EFNA5: variants seen among roughly 807,000 people sequenced by gnomAD.
EFNA5 encodes the protein ephrin A5.
In EFNA5, 5 loss-of-function variants were observed where a neutral mutation model predicts 22.9. The observed-to-expected ratio is 0.22, with a 90% confidence interval of 0.11 to 0.46. The LOEUF is 0.46. Among genes scored for constraint, EFNA5 ranks in the 20% least tolerant of loss-of-function variants. The pLI is 0.99. For synonymous variants in EFNA5, 113 were observed against 112.2 expected, an observed-to-expected ratio of 1.01 and a Z score of -0.04; for missense variants, 237 against 293.3, an observed-to-expected ratio of 0.81 and a Z score of 1.40.
At chr5:107,668,569 T>C (rs550284409) in intron 1 of EFNA5, among the ~76,000 whole-genome samples, 2 of 152,206 alleles carry the variant, frequency 1.3e-5, no homozygotes, top group East Asian at 3.9e-4. Context: ...AATAAATGAA[T>C]GCCATGAGAA....
At chr5:107,621,418 T>C (rs1228098184) in intron 1 of EFNA5, among the ~76,000 whole-genome samples, 1 of 152,126 alleles carries the variant, frequency 6.6e-6, no homozygotes, top group African/African-American at 2.4e-5. Flanking sequence ...AAAAGAAAAA[T>C]AAATGCTGAG....
At chr5:107,589,210 G>C (rs1749264349) in intron 1 of EFNA5, among the ~76,000 whole-genome samples, 1 of 152,178 alleles carries the variant, frequency 6.6e-6, no homozygotes, top group Admixed American at 6.5e-5. Context: ...AGGGAAAGCA[G>C]GATGACTGAA....
chr5:107,644,629 T>C (rs924950302), intron 1 of EFNA5, among the ~76,000 whole-genome samples: 4 of 152,218 alleles, frequency 2.6e-5, no homozygotes, highest in Non-Finnish European at 5.9e-5. Flanking sequence ...ACATAATAGA[T>C]GCTCAATCAA....
At chr5:107,569,547 G>GTA (rs1254151483) in intron 1 of EFNA5, among the ~76,000 whole-genome samples, 1 of 104,422 alleles carries the variant, frequency 9.6e-6, no homozygotes, top group African/African-American at 3.1e-5. Context: ...ATATATGTGT[G>GTA]TATATATATA....
At position 107,536,982 on chromosome 5, in the gene EFNA5, G is replaced by A. The variant is rs552426714; in HGVS notation, c.126-109473C>T. 4.0e-5 allele frequency among the ~76,000 whole-genome samples: 6 copies of A among 151,612 alleles called. No homozygotes were observed. The East Asian group carries it at 1.2e-3, about 30-fold the overall frequency. ...TAGCTGGGTGTGGTGGCGGCTGCCT[G>A]TAATCCTGGCTACTTGGGAGGCTGA... On this transcript the variant is annotated intron_variant, in intron 1 of 4. Coordinates refer to ENST00000333274, the MANE Select transcript of EFNA5 (RefSeq NM_001962.3).
At chr5:107,462,486 A>G (rs1749857850) in intron 1 of EFNA5, among the ~76,000 whole-genome samples, 1 of 152,110 alleles carries the variant, frequency 6.6e-6, no homozygotes, top group Admixed American at 6.6e-5. Flanking sequence ...TCCATGGTAA[A>G]CGGCTATGGG....
chr5:107,649,894 A>T (rs535661973), intron 1 of EFNA5, among the ~76,000 whole-genome samples: 1 of 152,290 alleles, frequency 6.6e-6, no homozygotes, highest in South Asian at 2.1e-4. Context: ...TGAAACAGGG[A>T]ATGATTAAGT....
chr5:107,490,725 C>T (rs1228986984), intron 1 of EFNA5, among the ~76,000 whole-genome samples: 1 of 152,216 alleles, frequency 6.6e-6, no homozygotes, highest in African/African-American at 2.4e-5. Context: ...GTAAAGAAGT[C>T]TGCATGTGCA....
intron 1 of EFNA5, among the ~76,000 whole-genome samples, chr5:107,576,055 A>G (rs1167740946): frequency 6.6e-6 from 1 of 152,236 alleles, no homozygotes; most frequent in Non-Finnish European, 1.5e-5. Context: ...TCACCCAAGG[A>G]TGCCATTAAT....
intron 1 of EFNA5, among the ~76,000 whole-genome samples, chr5:107,665,697 G>C (rs1262638664): frequency 5.3e-5 from 8 of 152,072 alleles, no homozygotes; most frequent in African/African-American, 1.7e-4. Context: ...ATAGTTTATT[G>C]TGAATATATA....
At chr5:107,496,336 C>CAAAAAAAAAA (rs77916124) in intron 1 of EFNA5, among the ~76,000 whole-genome samples, 30 of 79,782 alleles carry the variant, frequency 3.8e-4, no homozygotes, top group African/African-American at 1.2e-3. Context: ...AATTCCATCT[C>CAAAAAAAAAA]AAAAAAAAAA....
At chr5:107,419,810 A>G (rs760666293) in intron 2 of EFNA5, among the ~76,000 whole-genome samples, 1 of 152,196 alleles carries the variant, frequency 6.6e-6, no homozygotes, top group East Asian at 1.9e-4. Context: ...TACAGTAAAT[A>G]ATGCTAAAAT....
At chr5:107,422,160 T>C (rs1355297691) in intron 2 of EFNA5, among the ~76,000 whole-genome samples, 1 of 152,236 alleles carries the variant, frequency 6.6e-6, no homozygotes, top group Admixed American at 6.5e-5. Context: ...GTGAACCTTT[T>C]TCAAGTTACC....
chr5:107,465,732 A>G (rs1749961271), intron 1 of EFNA5, among the ~76,000 whole-genome samples: 1 of 152,144 alleles, frequency 6.6e-6, no homozygotes, highest in Admixed American at 6.6e-5. Context: ...GATTGCTTGC[A>G]GAGATGTTCC....
At chr5:107,576,911 C>G (rs1005191948) in intron 1 of EFNA5, among the ~76,000 whole-genome samples, 3 of 152,188 alleles carry the variant, frequency 2.0e-5, no homozygotes, top group African/African-American at 7.2e-5. Context: ...CATATAAACC[C>G]CTCCACCCCA....
intron 1 of EFNA5, among the ~76,000 whole-genome samples, chr5:107,544,942 A>G (rs1445247524): frequency 1.3e-5 from 2 of 152,236 alleles, no homozygotes; most frequent in Non-Finnish European, 2.9e-5. Flanking sequence ...CACAATGTCT[A>G]CACTGTCATT....
chr5:107,421,589 G>A (rs558207994), intron 2 of EFNA5, among the ~76,000 whole-genome samples: 1 of 152,232 alleles, frequency 6.6e-6, no homozygotes, highest in East Asian at 1.9e-4. Context: ...ATCCTTTGGA[G>A]AGGAAAAAAT....
chr5:107,506,310 A>G (rs943102498), intron 1 of EFNA5: 1 of 152,240 alleles, frequency 6.6e-6, no homozygotes, highest in Non-Finnish European at 1.5e-5. Context: ...AATTCAACAC[A>G]TAGTAAACAT....
chr5:107,488,675 T>C (rs1474925823), intron 1 of EFNA5, among the ~76,000 whole-genome samples: 1 of 151,960 alleles, frequency 6.6e-6, no homozygotes, highest in Non-Finnish European at 1.5e-5. Context: ...AAAGAAACAT[T>C]AAGACCGAAA....
Sources: allele counts gnomAD v4.1 joint callset (sites outside exome capture counted in the v4.1 genomes callset), GRCh38; gene constraint gnomAD v4.1.1; transcripts MANE v1.5; gene names NCBI Gene and HGNC (gene_info 2026-07-23, HGNC 2026-07-21).